The following IQCM variants were observed in gnomAD, a reference collection of about 807,000 sequenced individuals.
IQCM encodes IQ motif containing M, also known as IQ domain-containing protein M.
IQCM carries 45 observed loss-of-function variants against 57.6 expected under a neutral mutation model. That is an observed-to-expected ratio of 0.78 (90% CI 0.62 to 1.00). IQCM has a LOEUF of 1.00. Among genes scored for constraint, IQCM ranks in the 50% least tolerant of loss-of-function variants. IQCM has a pLI of 0.00. For synonymous variants in IQCM, 148 were observed against 158.9 expected (o/e 0.93, Z 0.51); for missense variants, 468 against 511.6 (o/e 0.91, Z 0.82).
chr4:149,368,970 A>ATGTG (rs1414006131), intron 13 of IQCM, among the ~76,000 whole-genome samples: 25 of 48,504 alleles, frequency 5.2e-4, no homozygotes, highest in Admixed American at 8.6e-4. Flanking sequence ...GTGTATATAT[A>ATGTG]TATGTGTATA....
chr4:149,594,136 C>T (rs1235638101), intron 8 of IQCM, among the ~76,000 whole-genome samples: 1 of 152,072 alleles, frequency 6.6e-6, no homozygotes, highest in Non-Finnish European at 1.5e-5. Flanking sequence ...AATTTCAGAG[C>T]CTGTTATTGG....
chr4:149,529,479 T>C (rs1746515946), intron 12 of IQCM, among the ~76,000 whole-genome samples: 1 of 152,160 alleles, frequency 6.6e-6, no homozygotes, highest in Admixed American at 6.6e-5. Context: ...ACCATAAAGG[T>C]CTCATCCCAT....
chr4:149,365,951 T>G (rs780871571), intron 13 of IQCM, among the ~76,000 whole-genome samples: 3 of 152,068 alleles, frequency 2.0e-5, no homozygotes, highest in South Asian at 2.1e-4. Context: ...CCAAATAAAG[T>G]TCAGAGTTTG....
chr4:149,642,133 C>T (rs1035758167), intron 7 of IQCM, among the ~76,000 whole-genome samples: 1 of 152,078 alleles, frequency 6.6e-6, no homozygotes, highest in Non-Finnish European at 1.5e-5. Flanking sequence ...ATTAATATGA[C>T]ATTTAATAAA....
intron 13 of IQCM, among the ~76,000 whole-genome samples, chr4:149,423,971 A>AT (rs1417156547): frequency 6.6e-6 from 1 of 151,924 alleles, no homozygotes; most frequent in Non-Finnish European, 1.5e-5. Context: ...ACAGCAAATA[A>AT]TTTCAATATA....
At chr4:149,388,225 T>C (rs1031801355) in intron 13 of IQCM, among the ~76,000 whole-genome samples, 4 of 151,790 alleles carry the variant, frequency 2.6e-5, no homozygotes, top group African/African-American at 7.3e-5. Context: ...GGGTCACATA[T>C]TAGATGTGTG....
intron 12 of IQCM, among the ~76,000 whole-genome samples, chr4:149,510,538 G>A (rs759647514): frequency 3.7e-4 from 56 of 152,070 alleles, no homozygotes; most frequent in Non-Finnish European, 8.8e-5. Flanking sequence ...CTCACCTGTT[G>A]CCATCTTCCA....
intron 13 of IQCM, among the ~76,000 whole-genome samples, chr4:149,393,445 A>T (rs1228382276): frequency 6.6e-6 from 1 of 151,822 alleles, no homozygotes; most frequent in Non-Finnish European, 1.5e-5. Flanking sequence ...TAACGGAAGC[A>T]TTTTTTTAAA....
At chr4:149,547,984 T>C (rs1486414420) in intron 12 of IQCM, among the ~76,000 whole-genome samples, 1 of 152,156 alleles carries the variant, frequency 6.6e-6, no homozygotes, top group East Asian at 1.9e-4. Context: ...TTTCATGTAT[T>C]ATTCAGAAAA....
At chr4:149,785,365 C>G (rs1230240652) in intron 2 of IQCM, among the ~76,000 whole-genome samples, 2 of 152,004 alleles carry the variant, frequency 1.3e-5, no homozygotes, top group Non-Finnish European at 2.9e-5. Context: ...AAATCCTATG[C>G]TAATCAAGAA....
chr4:149,675,989 G>C (rs553307636), intron 7 of IQCM, among the ~76,000 whole-genome samples: 1 of 152,112 alleles, frequency 6.6e-6, no homozygotes, highest in South Asian at 2.1e-4. Context: ...ATTATGTAGA[G>C]CATTATTAGC....
intron 13 of IQCM, among the ~76,000 whole-genome samples, chr4:149,409,426 C>T (rs1733216008): frequency 6.6e-6 from 1 of 152,174 alleles, no homozygotes; most frequent in South Asian, 2.1e-4. Flanking sequence ...GCAAATAGTC[C>T]AGCAATTATC....
chr4:149,715,387 C>T (rs780135757), intron 5 of IQCM, among the ~76,000 whole-genome samples: 35 of 152,210 alleles, frequency 2.3e-4, no homozygotes, highest in Non-Finnish European at 4.3e-4. Flanking sequence ...ACCAGGCATA[C>T]TGCAAGCAGC....
At chr4:149,666,318 C>T (rs1398329093) in intron 7 of IQCM, 20 of 152,260 alleles carry the variant, frequency 1.3e-4, no homozygotes. Context: ...CCAGGAAGAA[C>T]AAGGGGTCAG....
At chr4:149,783,979 G>T (rs1771850747) in intron 2 of IQCM, among the ~76,000 whole-genome samples, 1 of 152,190 alleles carries the variant, frequency 6.6e-6, no homozygotes, top group African/African-American at 2.4e-5. Context: ...GAGAATGCAG[G>T]CTGGCTAGTT....
chr4:149,499,625 T>C (rs1048220719), intron 12 of IQCM, among the ~76,000 whole-genome samples: 3 of 152,114 alleles, frequency 2.0e-5, no homozygotes, highest in Non-Finnish European at 4.4e-5. Flanking sequence ...ATGGTCCTTA[T>C]TTATCATCTA....
At chr4:149,683,933 G>C (rs1290224134) in intron 6 of IQCM, among the ~76,000 whole-genome samples, 2 of 151,186 alleles carry the variant, frequency 1.3e-5, no homozygotes, top group Non-Finnish European at 3.0e-5. Flanking sequence ...AACATGAATT[G>C]TCATGTAACA....
chr4:149,755,496 G>A (rs901522756), intron 2 of IQCM, among the ~76,000 whole-genome samples: 4 of 152,070 alleles, frequency 2.6e-5, no homozygotes, highest in Non-Finnish European at 5.9e-5. Context: ...TGCCTGAAAT[G>A]TTCTTTTGTC....
chr4:149,498,864 G>C (rs2149788739), intron 12 of IQCM, among the ~76,000 whole-genome samples: 1 of 152,166 alleles, frequency 6.6e-6, no homozygotes, highest in Middle Eastern at 3.4e-3. Context: ...AAAGGGATAG[G>C]GTGCATGGAA....
Sources: gnomAD v4.1 joint callset for allele counts (sites outside exome capture counted in the v4.1 genomes callset) on GRCh38, gnomAD v4.1.1 for gene constraint, MANE v1.5 for transcripts, NCBI Gene and HGNC (gene_info 2026-07-23, HGNC 2026-07-21) for gene names.